The following ARHGEF10 variants were observed in gnomAD, a reference collection of about 807,000 sequenced individuals.
The protein encoded by ARHGEF10 is Rho guanine nucleotide exchange factor 10.
ARHGEF10 carries 140 observed loss-of-function variants against 147.4 expected under a neutral mutation model. The observed-to-expected ratio is 0.95, with a 90% CI of 0.83 to 1.09. The LOEUF is 1.09. ARHGEF10 is among the 50% of genes least tolerant of loss of function. ARHGEF10 has a pLI of 0.00. For missense variants in ARHGEF10, 2,222 were observed against 1,752.7 expected (o/e 1.27, Z -4.78); for synonymous variants, 902 against 695.8 (o/e 1.30, Z -4.67).
At chr8:1,838,704 G>A (rs1803738957) in intron 1 of ARHGEF10, among the ~76,000 whole-genome samples, 1 of 152,288 alleles carries the variant, frequency 6.6e-6, no homozygotes, top group Admixed American at 6.5e-5. Context: ...AAGCATTGAT[G>A]CCATCTGGCG....
intron 7 of ARHGEF10, among the ~76,000 whole-genome samples, chr8:1,874,140 G>C (rs1016810457): frequency 5.3e-5 from 8 of 152,228 alleles, no homozygotes; most frequent in African/African-American, 1.9e-4. Flanking sequence ...GCATTCAAGA[G>C]GAAGTGAGTA....
intron 6 of ARHGEF10, among the ~76,000 whole-genome samples, chr8:1,868,144 G>C (rs76395029): frequency 5.9e-5 from 9 of 152,212 alleles, no homozygotes; most frequent in East Asian, 1.9e-4. Flanking sequence ...TACTGTGGTT[G>C]CAGATAGTAA....
intron 1 of ARHGEF10, among the ~76,000 whole-genome samples, chr8:1,831,620 G>T (rs1275380434): frequency 6.6e-6 from 1 of 152,034 alleles, no homozygotes; most frequent in East Asian, 1.9e-4. Context: ...CCGTGGAGGG[G>T]CCGTGCACAG....
chr8:1,860,181 G>A lies in ARHGEF10; in HGVS notation c.478G>A (p.Glu160Lys), dbSNP rs200556384. The A allele has an allele frequency of 5.5e-5, 89 of 1,612,542 alleles. No individual in the cohort carries two copies. Among genetic ancestry groups the A allele is most frequent in the Non-Finnish European group, 7.5e-5 (88 of 1,179,938 alleles). ...VIICATSLDE[E>K]ETPEVTEDRQ... ...CATCTGCGCCACGTCCCTGGACGAA[G>A]AAGGTACTGCTACCCTCCTCTCCAC... Residue 160 changes from glutamate to lysine, a missense_variant, in exon 4 of 29, where the codon GAA becomes AAA. Coordinates refer to ENST00000349830, the MANE Select transcript of ARHGEF10 (RefSeq NM_014629.4).
At chr8:1,873,656 C>T (rs1807367190) in intron 7 of ARHGEF10, among the ~76,000 whole-genome samples, 1 of 144,776 alleles carries the variant, frequency 6.9e-6, no homozygotes, top group South Asian at 2.2e-4. Context: ...TGAGAGGTGC[C>T]GCGGGGTAGT....
chr8:1,901,244 G>A (rs968145624), intron 15 of ARHGEF10, among the ~76,000 whole-genome samples: 3 of 152,140 alleles, frequency 2.0e-5, no homozygotes, highest in African/African-American at 7.2e-5. Context: ...TAGTCCGTGT[G>A]CTGAGTGTAG....
At chr8:1,878,062 C>T (rs961158464) in intron 8 of ARHGEF10, among the ~76,000 whole-genome samples, 6 of 152,168 alleles carry the variant, frequency 3.9e-5, no homozygotes, top group African/African-American at 1.4e-4. Flanking sequence ...GGAGAATCTA[C>T]TAGATCTTGG....
At position 1,876,721 on chromosome 8, in the gene ARHGEF10, A is replaced by G; in HGVS notation, c.830A>G (p.Asn277Ser). 1 of 1,614,190 alleles carries G rather than the reference A, an allele frequency of 6.2e-7. No homozygotes were observed. The highest frequency in any genetic ancestry group is 2.2e-5 in the East Asian group (1 of 44,878). ...ATTCCCAGGTCCTTCCTGCGCAGCA[A>G]CCACAAAAAGCAAGTACGTGTTCCC... is the stretch of plus-strand genomic sequence containing the variant. The part of the protein sequence containing the change: ...NGIPRSFLRS[N>S]HKKQLSHDLT... The change falls in exon 8 of 29, where the codon AAC becomes AGC. Residue 277 changes from asparagine to serine, a missense_variant. Physicochemically the swap from Asn to Ser is conservative, Grantham distance 46. Transcript: ENST00000349830.
At chr8:1,906,772 G>T (rs1810928018) in intron 17 of ARHGEF10, among the ~76,000 whole-genome samples, 1 of 152,196 alleles carries the variant, frequency 6.6e-6, no homozygotes, top group African/African-American at 2.4e-5. Context: ...GTCTCTTCAG[G>T]GATCAAGGCG....
rs1465216289 is a variant in ARHGEF10, at chr8:1,884,356, A to C, written c.1076-1245A>C. The stretch of plus-strand genomic sequence containing the variant: ...GCTTGCAGTGAGCCGAGATTGCGCC[A>C]CTGCACTCCAGCCTGGGCGACAGAG... On this transcript the variant is annotated intron_variant, in intron 10 of 28. Coordinates refer to ENST00000349830, the MANE Select transcript of ARHGEF10 (RefSeq NM_014629.4). Among the ~76,000 whole-genome samples the C allele has an allele frequency of 4.0e-5, 6 of 151,152 alleles. No homozygotes were observed. The East Asian group carries it at 1.2e-3, about 30-fold the overall frequency.
chr8:1,897,838 C>G (rs943756367), intron 14 of ARHGEF10, among the ~76,000 whole-genome samples: 1 of 152,172 alleles, frequency 6.6e-6, no homozygotes, highest in Admixed American at 6.5e-5. Context: ...GGGAGATAGA[C>G]TCTCTCATCC....
chr8:1,874,582 A>G (rs1449868322), intron 7 of ARHGEF10, among the ~76,000 whole-genome samples: 1 of 152,224 alleles, frequency 6.6e-6, no homozygotes, highest in Non-Finnish European at 1.5e-5. Flanking sequence ...CTCTGGAGGG[A>G]CAGTCCAGAT....
intron 1 of ARHGEF10, among the ~76,000 whole-genome samples, chr8:1,830,107 T>G (rs921105658): frequency 6.6e-6 from 1 of 152,192 alleles, no homozygotes; most frequent in African/African-American, 2.4e-5. Context: ...CTCCGTTCTG[T>G]CTGCAGACGG....
At chr8:1,844,487 C>T (rs891041212) in intron 2 of ARHGEF10, among the ~76,000 whole-genome samples, 3 of 20,646 alleles carry the variant, frequency 1.5e-4, no homozygotes, top group African/African-American at 3.9e-4. Flanking sequence ...ACCCCAGAAA[C>T]AGCCAGCGAC....
rs1370385940 is a variant in ARHGEF10 at position 1,862,865 on chromosome 8, GC to G, written c.482-1506del. ...GGGATCTCGGCTCACTGCAAGCTCC[GC>G]CTCCCGGGTTCACACCGTTCTCCTG... On this transcript the variant is annotated intron_variant, in intron 4 of 28. Coordinates refer to ENST00000349830, the MANE Select transcript of ARHGEF10 (RefSeq NM_014629.4). 3.5e-5 allele frequency among the ~76,000 whole-genome samples: 5 copies of G among 144,362 alleles called. No individual in the cohort carries two copies. In the Admixed American group the frequency reaches 3.6e-4, roughly 10 times the overall value. The allele number at this position is 144,362 out of a possible 152,430, so 94.7% of individuals were successfully genotyped here.
intron 25 of ARHGEF10, among the ~76,000 whole-genome samples, chr8:1,931,644 C>T (rs117076995): frequency 2.4e-4 from 37 of 152,306 alleles, no homozygotes; most frequent in Non-Finnish European, 4.6e-4. Context: ...GGCCTCGGCC[C>T]GGGCAGAGGG....
In ARHGEF10 at chr8:1,864,266, C is replaced by T. The variant is rs368624012; in HGVS notation, c.482-107C>T. Reference sequence around the variant, plus strand: ...TAATCACCCTTATGCTAAGATAAGCCTCTGATTGATAGGAAAGTGTGAAAC... The same window carrying T: ...TAATCACCCTTATGCTAAGATAAGCTTCTGATTGATAGGAAAGTGTGAAAC... On this transcript the variant is annotated intron_variant, in intron 4 of 28. Coordinates refer to ENST00000349830, the MANE Select transcript of ARHGEF10 (RefSeq NM_014629.4). 2.0e-5 allele frequency: 22 copies of T among 1,117,110 alleles called. No individual in the cohort carries two copies. In the East Asian group the frequency reaches 2.6e-4, roughly 13 times the overall value. The allele number at this position is 1,117,110 out of a possible 1,614,324, so 69.2% of individuals were successfully genotyped here. A position where few individuals can be genotyped will look rare whatever the true frequency, so the allele number is the denominator to read the frequency against.
intron 7 of ARHGEF10, 141 bp from the exon 8 acceptor site, chr8:1,876,430 G>T (rs4875944): frequency 3.3e-5 from 30 of 898,448 alleles, no homozygotes; most frequent in South Asian, 3.2e-4. Context: ...GAGCAAGCCC[G>T]GGGCTCCGCA....
At chr8:1,952,889 G>C (rs1815172316) in intron 28 of ARHGEF10, 62 bp downstream of exon 28, 5 of 1,608,356 alleles carry the variant, frequency 3.1e-6, no homozygotes, top group Middle Eastern at 1.7e-4. Context: ...GAGCATAGCA[G>C]TGTGTAGTGT....
Sources: allele counts gnomAD v4.1 joint callset (sites outside exome capture counted in the v4.1 genomes callset), GRCh38; gene constraint gnomAD v4.1.1; transcripts MANE v1.5; gene names NCBI Gene and HGNC (gene_info 2026-07-23, HGNC 2026-07-21).